The following MATN2 variants were observed in gnomAD, a reference collection of about 807,000 sequenced individuals.
The protein encoded by MATN2 is matrilin-2.
Under a neutral mutation model 103.2 loss-of-function variants are expected in MATN2, and 69 were observed. That is an observed-to-expected ratio of 0.67 (90% CI 0.55 to 0.82). MATN2 has a LOEUF of 0.82. Ranked by LOEUF, MATN2 falls within the 40% of genes least tolerant of loss-of-function variation. The pLI is 0.00. For synonymous variants in MATN2, 429 were observed against 450.2 expected, an observed-to-expected ratio of 0.95 and a Z score of 0.60; for missense variants, 1,023 against 1,211.5, an observed-to-expected ratio of 0.84 and a Z score of 2.31.
intron 4 of MATN2, among the ~76,000 whole-genome samples, chr8:97,953,995 T>C (rs1811055939): frequency 6.6e-6 from 1 of 152,062 alleles, no homozygotes; most frequent in South Asian, 2.1e-4. Context: ...AAAATAAAAA[T>C]ATCTTCTGTG....
At chr8:97,947,909 G>A (rs192935469) in intron 4 of MATN2, among the ~76,000 whole-genome samples, 44 of 152,216 alleles carry the variant, frequency 2.9e-4, no homozygotes, top group Admixed American at 1.7e-3. Flanking sequence ...TACAGAGTTG[G>A]GTTCCTGAGA....
chr8:97,941,789 G>A lies in MATN2; in HGVS notation c.725G>A (p.Cys242Tyr), dbSNP rs1810577098. ...TCTTCCCTTTCAGCGGCCCATATGT[G>A]CAGCACCCTGGAGCATAACTGTGCC... ...FQKKLCTAHM[C>Y]STLEHNCAHF... The change falls in exon 4 of 19, where the codon TGC (cysteine) becomes TAC (tyrosine). Residue 242 changes from cysteine (C) to tyrosine (Y), a missense_variant. Transcript: ENST00000254898. The A allele has an allele frequency of 6.2e-7, 1 of 1,600,148 alleles. No individual in the cohort carries two copies. Among genetic ancestry groups the A allele is most frequent in the Non-Finnish European group, 8.5e-7 (1 of 1,173,290 alleles).
At chr8:98,011,187 A>G (rs1259290725) in intron 10 of MATN2, among the ~76,000 whole-genome samples, 1 of 152,138 alleles carries the variant, frequency 6.6e-6, no homozygotes, top group Non-Finnish European at 1.5e-5. Flanking sequence ...CTCTTCTTAT[A>G]AGAACACTAA....
chr8:98,019,449 T>A (rs1446216164), intron 12 of MATN2, among the ~76,000 whole-genome samples: 1 of 152,192 alleles, frequency 6.6e-6, no homozygotes, highest in Non-Finnish European at 1.5e-5. Context: ...AGTGATTGGA[T>A]GAGGCCCATC....
intron 2 of MATN2, among the ~76,000 whole-genome samples, chr8:97,899,450 G>T (rs1818915755): frequency 6.6e-6 from 1 of 152,178 alleles, no homozygotes; most frequent in Non-Finnish European, 1.5e-5. Flanking sequence ...CAACAGAAAT[G>T]TATTGTCTCA....
At chr8:97,884,433 C>A (rs113154004) in intron 1 of MATN2, among the ~76,000 whole-genome samples, 36 of 152,128 alleles carry the variant, frequency 2.4e-4, no homozygotes, top group African/African-American at 8.2e-4. Flanking sequence ...GCCACTGCAC[C>A]CAGTCAACAG....
At chr8:97,880,819 G>A (rs1376283135) in intron 1 of MATN2, among the ~76,000 whole-genome samples, 1 of 152,130 alleles carries the variant, frequency 6.6e-6, no homozygotes, top group Non-Finnish European at 1.5e-5. Context: ...CTGGCCTCAA[G>A]TGATGCATCC....
intron 2 of MATN2, among the ~76,000 whole-genome samples, chr8:97,898,787 T>A (rs1818896362): frequency 6.6e-6 from 1 of 152,128 alleles, no homozygotes; most frequent in Admixed American, 6.5e-5. Flanking sequence ...AACTCTTTTA[T>A]CACCCAGGCT....
intron 14 of MATN2, 96 bp downstream of exon 14, chr8:98,027,925 G>T: frequency 1.5e-6 from 2 of 1,336,144 alleles, no homozygotes; most frequent in Non-Finnish European, 1.0e-6. Flanking sequence ...AAGCTTCTTT[G>T]AGTGTACAGA....
intron 10 of MATN2, among the ~76,000 whole-genome samples, chr8:98,011,397 A>G (rs1025096041): frequency 3.3e-5 from 5 of 152,166 alleles, no homozygotes; most frequent in Non-Finnish European, 5.9e-5. Context: ...CAACAGAAGG[A>G]AACTAGAGAT....
At chr8:97,961,558 A>G in intron 5 of MATN2, 28 bp downstream of exon 5, 3 of 1,586,312 alleles carry the variant, frequency 1.9e-6, no homozygotes, top group Non-Finnish European at 2.6e-6. Flanking sequence ...TGGGCTTGGT[A>G]GGGAAGGACA....
chr8:97,984,928 C>G (rs929932432), intron 6 of MATN2, among the ~76,000 whole-genome samples: 3 of 152,066 alleles, frequency 2.0e-5, no homozygotes, highest in Admixed American at 6.5e-5. Flanking sequence ...GATTTGAAGG[C>G]AGTGAGAGAA....
chr8:97,885,696 G>A (rs940472790), intron 1 of MATN2, among the ~76,000 whole-genome samples: 4 of 152,184 alleles, frequency 2.6e-5, no homozygotes, highest in Non-Finnish European at 4.4e-5. Context: ...CTACTTGGGA[G>A]GCTGAAGTTG....
At chr8:98,028,051 G>A (rs1813876710) in intron 14 of MATN2, among the ~76,000 whole-genome samples, 1 of 152,132 alleles carries the variant, frequency 6.6e-6, no homozygotes, top group African/African-American at 2.4e-5. Flanking sequence ...TACTAGAAGG[G>A]TAGGCTAAGC....
intron 18 of MATN2, among the ~76,000 whole-genome samples, chr8:98,034,499 C>T (rs1352404533): frequency 1.3e-5 from 2 of 152,202 alleles, no homozygotes; most frequent in Admixed American, 6.5e-5. Flanking sequence ...GCTGGAAATA[C>T]GCTCCCTTAA....
intron 6 of MATN2, among the ~76,000 whole-genome samples, chr8:97,990,178 TC>T (rs1812344234): frequency 4.2e-5 from 1 of 23,764 alleles, no homozygotes; most frequent in Admixed American, 5.8e-4. Context: ...CAAGACTCTG[TC>T]AAAAAAAAAA....
At chr8:97,943,569 G>A (rs756614752) in intron 4 of MATN2, among the ~76,000 whole-genome samples, 31 of 151,974 alleles carry the variant, frequency 2.0e-4, no homozygotes, top group Admixed American at 6.6e-5. Flanking sequence ...AACCTTCCGG[G>A]TTCAAGCAGT....
rs375577764 is a variant in MATN2, at chr8:97,907,250, CT to C, written c.142+19009del. ...TCCTGACCTTAGGTGATCTGCCTGC[CT>C]CGGCCCCTTAAACTGCTGGGATTAC... On this transcript the variant is annotated intron_variant, in intron 2 of 18. Transcript: ENST00000254898. Among the ~76,000 whole-genome samples, 104 of 151,644 alleles carry C rather than the reference CT, an allele frequency of 6.9e-4. 1 individual carries two copies. The highest frequency in any genetic ancestry group is 2.5e-3 in the African/African-American group (103 of 41,348).
At chr8:97,912,768 G>A (rs555167967) in intron 2 of MATN2, among the ~76,000 whole-genome samples, 26 of 152,226 alleles carry the variant, frequency 1.7e-4, no homozygotes, top group Non-Finnish European at 2.2e-4. Flanking sequence ...CCCGTTTGCC[G>A]ACCTCAGTAG....
Sources: allele counts gnomAD v4.1 joint callset (sites outside exome capture counted in the v4.1 genomes callset), GRCh38; gene constraint gnomAD v4.1.1; transcripts MANE v1.5; gene names NCBI Gene and HGNC (gene_info 2026-07-23, HGNC 2026-07-21).